GRIK2: variants seen among roughly 807,000 people sequenced by gnomAD.
GRIK2 encodes the protein glutamate ionotropic receptor kainate type subunit 2.
A neutral mutation model predicts 100.3 loss-of-function variants in GRIK2; 32 were observed. The ratio of observed to expected loss-of-function variants is 0.32; its 90% confidence interval spans 0.24 to 0.43. The LOEUF (loss-of-function observed/expected upper bound fraction) is 0.43, where lower values mean the gene tolerates loss of function less well. GRIK2 is among the 20% of genes least tolerant of loss of function. The pLI is 1.00. For synonymous variants in GRIK2, 417 were observed against 389.4 expected, an observed-to-expected ratio of 1.07 and a Z score of -0.83; for missense variants, 843 against 1,114.9, an observed-to-expected ratio of 0.76 and a Z score of 3.47.
chr6:101,857,721 A>G (rs1784501180), intron 10 of GRIK2, among the ~76,000 whole-genome samples: 1 of 152,254 alleles, frequency 6.6e-6, no homozygotes, highest in African/African-American at 2.4e-5. Flanking sequence ...TCATAGCAGC[A>G]CAGTCTGCCA....
chr6:101,812,557 G>A (rs973637143), intron 9 of GRIK2, among the ~76,000 whole-genome samples: 5 of 151,670 alleles, frequency 3.3e-5, no homozygotes, highest in African/African-American at 1.2e-4. Flanking sequence ...TATGTTCAGA[G>A]ATCTCACATA....
chr6:101,724,518 A>G (rs2128367292), intron 7 of GRIK2, among the ~76,000 whole-genome samples: 2 of 152,032 alleles, frequency 1.3e-5, no homozygotes, highest in East Asian at 3.9e-4. Flanking sequence ...TCCAAAGGAC[A>G]TGATTTTGTC....
intron 2 of GRIK2, among the ~76,000 whole-genome samples, chr6:101,441,324 T>C (rs1770038203): frequency 6.6e-6 from 1 of 152,156 alleles, no homozygotes; most frequent in African/African-American, 2.4e-5. Context: ...TCTCCTGAAA[T>C]GTTGGTGAAT....
At chr6:101,601,511 A>G (rs1779212849) in intron 2 of GRIK2, among the ~76,000 whole-genome samples, 1 of 151,948 alleles carries the variant, frequency 6.6e-6, no homozygotes, top group African/African-American at 2.4e-5. Context: ...TAGAATTAGT[A>G]CCAGCCCTTC....
At chr6:101,836,659 ATATTT>A (rs1287945465) in intron 10 of GRIK2, among the ~76,000 whole-genome samples, 10 of 60,222 alleles carry the variant, frequency 1.7e-4, no homozygotes, top group Admixed American at 2.6e-4. Flanking sequence ...ATATATATAT[ATATTT>A]TTTTTTTTTT....
intron 1 of GRIK2, among the ~76,000 whole-genome samples, chr6:101,396,993 A>G (rs1427686305): frequency 1.3e-5 from 2 of 152,206 alleles, no homozygotes. Context: ...TTTTCCAACT[A>G]GACATCCAAA....
At chr6:101,790,034 T>C (rs1030744818) in intron 7 of GRIK2, among the ~76,000 whole-genome samples, 1 of 152,172 alleles carries the variant, frequency 6.6e-6, no homozygotes, top group African/African-American at 2.4e-5. Flanking sequence ...TAAGAATGCT[T>C]GTGATTTTTG....
chr6:101,935,281 C>A (rs1224594888), intron 14 of GRIK2, among the ~76,000 whole-genome samples: 1 of 151,894 alleles, frequency 6.6e-6, no homozygotes, highest in African/African-American at 2.4e-5. Flanking sequence ...GTGCTATTAA[C>A]TAGCCACATA....
At chr6:102,046,529 G>A (rs1174443161) in intron 15 of GRIK2, among the ~76,000 whole-genome samples, 4 of 152,068 alleles carry the variant, frequency 2.6e-5, no homozygotes, top group African/African-American at 9.7e-5. Flanking sequence ...TGTGAAGAAG[G>A]TCCTTGCTTC....
chr6:101,955,615 TCC>T (rs978248010), intron 14 of GRIK2, among the ~76,000 whole-genome samples: 19 of 93,208 alleles, frequency 2.0e-4, no homozygotes, highest in South Asian at 1.7e-3. Context: ...TCTCTCTCTC[TCC>T]CCCCCATTTC....
At chr6:101,431,866 G>T (rs532191022) in intron 2 of GRIK2, among the ~76,000 whole-genome samples, 10 of 152,182 alleles carry the variant, frequency 6.6e-5, no homozygotes, top group African/African-American at 2.4e-4. Context: ...ATTTAGTGTA[G>T]ACCCACGTGC....
At position 101,972,364 on chromosome 6, in the gene GRIK2, C is replaced by A. The variant is rs945976271; in HGVS notation, c.2085+43732C>A. Reference sequence around the variant, plus strand: ...TTCTCTGATGACTAGTGGTGATGAACATTTTTTCATATTCATTGTCTGCGT... The same window carrying A: ...TTCTCTGATGACTAGTGGTGATGAAAATTTTTTCATATTCATTGTCTGCGT... On this transcript the variant is annotated intron_variant, in intron 14 of 16. Coordinates refer to ENST00000369134, the MANE Select transcript of GRIK2 (RefSeq NM_021956.5). 5.3e-5 allele frequency among the ~76,000 whole-genome samples: 8 copies of A among 151,862 alleles called. No homozygotes were observed. The South Asian group carries it at 1.5e-3, about 28-fold the overall frequency.
At chr6:101,799,287 G>GTGTA in intron 7 of GRIK2, among the ~76,000 whole-genome samples, 1 of 150,810 alleles carries the variant, frequency 6.6e-6, no homozygotes, top group East Asian at 2.0e-4. Flanking sequence ...TTGTGTGTGT[G>GTGTA]TGTGTGTGTG....
At chr6:101,587,198 C>G (rs1191600654) in intron 2 of GRIK2, among the ~76,000 whole-genome samples, 1 of 151,830 alleles carries the variant, frequency 6.6e-6, no homozygotes, top group Admixed American at 6.6e-5. Context: ...GAAATGAAAA[C>G]TATAGATATT....
At chr6:101,867,326 A>T (rs1250416173) in intron 11 of GRIK2, among the ~76,000 whole-genome samples, 1 of 152,010 alleles carries the variant, frequency 6.6e-6, no homozygotes, top group Non-Finnish European at 1.5e-5. Flanking sequence ...ATCTCAGACG[A>T]TAGAGACATT....
At chr6:101,784,135 G>A (rs183448459) in intron 7 of GRIK2, among the ~76,000 whole-genome samples, 55 of 152,294 alleles carry the variant, frequency 3.6e-4, no homozygotes, top group African/African-American at 1.1e-3. Flanking sequence ...TGTCTCTAAG[G>A]CATATCAGAG....
intron 2 of GRIK2, among the ~76,000 whole-genome samples, chr6:101,518,748 C>A (rs1488314101): frequency 6.6e-6 from 1 of 152,030 alleles, no homozygotes; most frequent in Non-Finnish European, 1.5e-5. Flanking sequence ...AATAAAGATG[C>A]CTATAAAAGT....
intron 15 of GRIK2, among the ~76,000 whole-genome samples, chr6:102,042,984 A>C (rs1479748720): frequency 6.6e-6 from 1 of 151,628 alleles, no homozygotes; most frequent in Non-Finnish European, 1.5e-5. Context: ...GGATATACAG[A>C]ATATTAATAA....
chr6:102,006,391 T>TA (rs1491491868), intron 14 of GRIK2, among the ~76,000 whole-genome samples: 6,273 of 77,182 alleles, frequency 0.081, 228 homozygotes, highest in East Asian at 0.32. Context: ...TATATATATA[T>TA]TTTTTTTTTT....
Sources: gnomAD v4.1 joint callset for allele counts (sites outside exome capture counted in the v4.1 genomes callset) on GRCh38, gnomAD v4.1.1 for gene constraint, MANE v1.5 for transcripts, NCBI Gene and HGNC (gene_info 2026-07-23, HGNC 2026-07-21) for gene names.